The following PLA2R1 variants were observed in gnomAD, a reference collection of about 807,000 sequenced individuals.
PLA2R1 encodes secretory phospholipase A2 receptor.
Under a neutral mutation model 195.9 loss-of-function variants are expected in PLA2R1, and 158 were observed. The ratio of observed to expected loss-of-function variants is 0.81; its 90% CI spans 0.71 to 0.92. PLA2R1 has a LOEUF of 0.92. Ranked by LOEUF, PLA2R1 falls within the 40% of genes least tolerant of loss-of-function variation. The probability of loss-of-function intolerance (pLI) is 0.00; values close to 1 mark genes in which losing one functional copy is unlikely to be tolerated. For missense variants in PLA2R1, 1,626 were observed against 1,764.6 expected (o/e 0.92, Z 1.41); for synonymous variants, 586 against 598.2 (o/e 0.98, Z 0.30).
At chr2:160,041,743 G>A (rs1573958296) in intron 3 of PLA2R1, among the ~76,000 whole-genome samples, 1 of 152,190 alleles carries the variant, frequency 6.6e-6, no homozygotes, top group Non-Finnish European at 1.5e-5. Context: ...CAATGAGATC[G>A]CAGAGTATTT....
intron 11 of PLA2R1, among the ~76,000 whole-genome samples, chr2:160,005,433 T>A (rs1558907157): frequency 7.1e-6 from 1 of 140,086 alleles, no homozygotes; most frequent in Non-Finnish European, 1.6e-5. Context: ...AGACCTCGTC[T>A]CAAAACAAAC....
intron 3 of PLA2R1, among the ~76,000 whole-genome samples, chr2:160,040,236 TTGG>T (rs1694440830): frequency 6.6e-6 from 1 of 151,958 alleles, no homozygotes; most frequent in Non-Finnish European, 1.5e-5. Flanking sequence ...TTCATTCTGG[TTGG>T]TGAATAGCCA....
chr2:160,034,681 C>T (rs1694064419), intron 3 of PLA2R1, among the ~76,000 whole-genome samples: 1 of 152,174 alleles, frequency 6.6e-6, no homozygotes. Context: ...GCCTGTAATT[C>T]TAGCACTTTG....
chr2:159,928,288 C>G (rs559478405), downstream of PLA2R1, among the ~76,000 whole-genome samples: 1 of 152,298 alleles, frequency 6.6e-6, no homozygotes, highest in South Asian at 2.1e-4. Context: ...CAGGTCTAGA[C>G]CCCCTTTCTG....
chr2:159,958,184 C>T (rs189636826), intron 20 of PLA2R1, among the ~76,000 whole-genome samples: 22 of 152,182 alleles, frequency 1.4e-4, no homozygotes, highest in Non-Finnish European at 2.8e-4. Flanking sequence ...TTAGGACCAT[C>T]CCCTAGGTGA....
At position 160,045,265 on chromosome 2, in the gene PLA2R1, A is replaced by G. The variant is rs538251501; in HGVS notation, c.110-108T>C. On this transcript the variant is annotated intron_variant, in intron 1 of 29. Transcript: ENST00000283243. The stretch of plus-strand genomic sequence containing the variant: ...GTGCGATATGCGACAGTTGCCAGCC[A>G]TTTCCCACAGATCTGGAGTTGTTGG... 46 of 812,082 alleles carry G rather than the reference A, an allele frequency of 5.7e-5. No homozygotes were observed. The East Asian group carries it at 1.2e-3, about 21-fold the overall frequency. 50.3% of individuals were successfully genotyped at this position (812,082 alleles called of 1,614,324 possible). A position where few individuals can be genotyped will look rare whatever the true frequency, so the allele number is the denominator to read the frequency against.
chr2:159,988,967 G>A (rs1284477855), intron 11 of PLA2R1, among the ~76,000 whole-genome samples: 3 of 152,198 alleles, frequency 2.0e-5, no homozygotes, highest in African/African-American at 7.2e-5. Flanking sequence ...AGTGTGTTAG[G>A]CACCAGCATC....
intron 7 of PLA2R1, 129 bp downstream of exon 7, chr2:160,022,536 A>G (rs1233405576): frequency 2.1e-6 from 1 of 473,960 alleles, no homozygotes; most frequent in East Asian, 3.2e-5. Flanking sequence ...AATAACATTT[A>G]GAAACTTTAA....
At chr2:160,057,783 T>C (rs1282017524) in intron 1 of PLA2R1, among the ~76,000 whole-genome samples, 1 of 152,160 alleles carries the variant, frequency 6.6e-6, no homozygotes, top group African/African-American at 2.4e-5. Context: ...GGGTAGCAGA[T>C]TCTGTTGGTT....
chr2:159,954,349 C>T (rs1397071595), intron 23 of PLA2R1, among the ~76,000 whole-genome samples: 1 of 151,678 alleles, frequency 6.6e-6, no homozygotes, highest in African/African-American at 2.4e-5. Flanking sequence ...TGTTACAGAT[C>T]TAGTATCATT....
intron 17 of PLA2R1, among the ~76,000 whole-genome samples, chr2:159,973,203 G>A (rs926010289): frequency 3.3e-5 from 5 of 152,074 alleles, no homozygotes; most frequent in Admixed American, 6.6e-5. Context: ...CCAGCAGGAC[G>A]TTCTTAGGTG....
chr2:160,031,933 A>G (rs751564096), intron 4 of PLA2R1, among the ~76,000 whole-genome samples: 1 of 151,948 alleles, frequency 6.6e-6, no homozygotes, highest in Non-Finnish European at 1.5e-5. Flanking sequence ...CGTCCGGCAA[A>G]TTTTTGTATT....
intron 1 of PLA2R1, among the ~76,000 whole-genome samples, chr2:160,050,671 T>C (rs1695162162): frequency 6.6e-6 from 1 of 152,198 alleles, no homozygotes; most frequent in Non-Finnish European, 1.5e-5. Context: ...GAAGGATATA[T>C]ATGTCATAGT....
chr2:159,977,146 A>G, intron 15 of PLA2R1, 138 bp downstream of exon 15: 1 of 654,794 alleles, frequency 1.5e-6, no homozygotes, highest in Non-Finnish European at 2.6e-6. Context: ...TTTCCTATAG[A>G]AACATTTTTT....
intron 19 of PLA2R1, 151 bp downstream of exon 19, chr2:159,969,105 C>T (rs1688973703): frequency 3.6e-6 from 2 of 548,066 alleles, no homozygotes; most frequent in Admixed American, 3.3e-5. Flanking sequence ...AATGGCCATC[C>T]TTAAGCCTTA....
chr2:159,971,621 G>T (rs1689197052), intron 17 of PLA2R1, among the ~76,000 whole-genome samples: 1 of 149,552 alleles, frequency 6.7e-6, no homozygotes, highest in African/African-American at 2.5e-5. Context: ...CTTAATGGGG[G>T]TGTGTGTGTG....
At position 160,025,120 on chromosome 2, in the gene PLA2R1, T is replaced by C. The variant is rs555310384; in HGVS notation, c.1100-2261A>G. On this transcript the variant is annotated intron_variant, in intron 6 of 29. Coordinates refer to ENST00000283243, the MANE Select transcript of PLA2R1 (RefSeq NM_007366.5). ...ACCCCTTCTTCCTTGGAGGTAAATA[T>C]ATAGTCAAATTCAGAATGTTCAAAT... is the stretch of plus-strand genomic sequence containing the variant. Among the ~76,000 whole-genome samples, 53 of 152,298 alleles carry C rather than the reference T, an allele frequency of 3.5e-4. 1 individual carries two copies. Among genetic ancestry groups the C allele is most frequent in the Non-Finnish European group, 7.1e-4 (48 of 68,028 alleles).
chr2:159,967,735 A>G, intron 19 of PLA2R1, 57 bp from the exon 20 acceptor site: 1 of 1,465,338 alleles, frequency 6.8e-7, no homozygotes, highest in Non-Finnish European at 9.4e-7. Context: ...CTTTGAAGGC[A>G]TTCTCTATTG....
rs185060207 is a variant in PLA2R1 at position 159,933,594 on chromosome 2, C to T, written c.*8184G>A. On this transcript the variant is annotated 3_prime_UTR_variant, in exon 30 of 30. Coordinates refer to ENST00000283243, the MANE Select transcript of PLA2R1 (RefSeq NM_007366.5). Reference sequence around the variant, plus strand: ...GCACTTATCATTTACATATTCCTCTCCCCTGAGACTGAGTTCCATGAGGGG... The same window carrying T: ...GCACTTATCATTTACATATTCCTCTTCCCTGAGACTGAGTTCCATGAGGGG... The T allele has an allele frequency of 1.3e-5, 2 of 152,184 alleles. No individual in the cohort carries two copies. The highest frequency in any genetic ancestry group is 4.8e-5 in the African/African-American group (2 of 41,508). 9.4% of individuals were successfully genotyped at this position (152,184 alleles called of 1,614,324 possible).
Sources: allele counts gnomAD v4.1 joint callset (sites outside exome capture counted in the v4.1 genomes callset), GRCh38; gene constraint gnomAD v4.1.1; transcripts MANE v1.5; gene names NCBI Gene and HGNC (gene_info 2026-07-23, HGNC 2026-07-21).